The following ATP8B1 variants were observed in gnomAD, a reference collection of about 807,000 sequenced individuals.
ATP8B1 encodes the protein phospholipid-transporting ATPase IC.
A neutral mutation model predicts 149.9 loss-of-function variants in ATP8B1; 80 were observed. The observed-to-expected ratio is 0.53, with a 90% CI of 0.45 to 0.64. The LOEUF is 0.64. ATP8B1 is among the 30% of genes least tolerant of loss of function. ATP8B1 has a pLI of 0.00. For synonymous variants in ATP8B1, 536 were observed against 562.8 expected (o/e 0.95, Z 0.67); for missense variants, 1,247 against 1,552.6 (o/e 0.80, Z 3.31).
intron 1 of ATP8B1, among the ~76,000 whole-genome samples, chr18:57,733,084 G>A (rs964934182): frequency 2.0e-5 from 3 of 152,068 alleles, no homozygotes; most frequent in African/African-American, 7.2e-5. Context: ...AGCATCTACC[G>A]CATAAGATGA....
intron 2 of ATP8B1, among the ~76,000 whole-genome samples, chr18:57,730,634 C>G (rs1458811239): frequency 6.6e-6 from 1 of 152,162 alleles, no homozygotes; most frequent in Non-Finnish European, 1.5e-5. Flanking sequence ...CCATGTTCTA[C>G]TGCCTTCAGT....
intron 12 of ATP8B1, among the ~76,000 whole-genome samples, chr18:57,689,043 A>G (rs1211373737): frequency 6.6e-6 from 1 of 152,198 alleles, no homozygotes; most frequent in African/African-American, 2.4e-5. Flanking sequence ...CTGATTTTAG[A>G]CAAGTAATTT....
At chr18:57,794,727 G>T (rs2080494333) in intron 1 of ATP8B1, among the ~76,000 whole-genome samples, 1 of 152,028 alleles carries the variant, frequency 6.6e-6, no homozygotes, top group Non-Finnish European at 1.5e-5. Context: ...GGAGGTTGAG[G>T]TTGCAGTGAG....
At chr18:57,782,980 T>A (rs1008664257) in intron 1 of ATP8B1, among the ~76,000 whole-genome samples, 13 of 151,940 alleles carry the variant, frequency 8.6e-5, no homozygotes, top group Non-Finnish European at 2.9e-5. Context: ...GCCCAGCTAA[T>A]TTTTTTATTT....
At chr18:57,793,071 T>C (rs1470656709) in intron 1 of ATP8B1, among the ~76,000 whole-genome samples, 1 of 152,206 alleles carries the variant, frequency 6.6e-6, no homozygotes, top group Non-Finnish European at 1.5e-5. Flanking sequence ...CTTATATGTA[T>C]GTTTCTGAGG....
At chr18:57,673,540 T>C (rs901229433) in intron 16 of ATP8B1, among the ~76,000 whole-genome samples, 1 of 152,052 alleles carries the variant, frequency 6.6e-6, no homozygotes, top group Admixed American at 6.5e-5. Context: ...TTTTTTATCA[T>C]GTAATCTTGC....
At chr18:57,783,388 T>C (rs1249662559) in intron 1 of ATP8B1, among the ~76,000 whole-genome samples, 2 of 152,204 alleles carry the variant, frequency 1.3e-5, no homozygotes, top group Non-Finnish European at 2.9e-5. Flanking sequence ...TGGACACATA[T>C]GGTTTAACAA....
chr18:57,756,316 T>TATATGTATATA, intron 1 of ATP8B1, among the ~76,000 whole-genome samples: 1 of 145,060 alleles, frequency 6.9e-6, no homozygotes, highest in Non-Finnish European at 1.5e-5. Context: ...TATATATATA[T>TATATGTATATA]TTGAGACTGA....
chr18:57,765,044 AT>A (rs1439048210), intron 1 of ATP8B1, among the ~76,000 whole-genome samples: 1 of 152,240 alleles, frequency 6.6e-6, no homozygotes, highest in Non-Finnish European at 1.5e-5. Flanking sequence ...AACAATCCAA[AT>A]GCTATCTGAT....
At position 57,773,200 on chromosome 18, in the gene ATP8B1, T is replaced by TAAAAAAAAA. The variant is rs530739448; in HGVS notation, c.-26+29797_-26+29798insTTTTTTTTT. 8.8e-5 allele frequency among the ~76,000 whole-genome samples: 11 copies of TAAAAAAAAA among 125,536 alleles called. No homozygotes were observed. In the East Asian group the frequency reaches 9.5e-4, roughly 11 times the overall value. The allele number at this position is 125,536 out of a possible 152,430, so 82.4% of individuals were successfully genotyped here. ...CTGGGTGACAGAGCGAGACTCTGTC[T>TAAAAAAAAA]TAAAAAAAAAAAAAAAAAGAAAAGA... On this transcript the variant is annotated intron_variant, in intron 1 of 27. Coordinates refer to ENST00000648908, the MANE Select transcript of ATP8B1 (RefSeq NM_001374385.1).
chr18:57,696,467 A>G (rs1317582944), intron 8 of ATP8B1, among the ~76,000 whole-genome samples: 1 of 152,078 alleles, frequency 6.6e-6, no homozygotes, highest in Non-Finnish European at 1.5e-5. Context: ...CTTTACAATT[A>G]AGAAGTGGTT....
intron 22 of ATP8B1, among the ~76,000 whole-genome samples, chr18:57,657,413 A>T (rs1312469782): frequency 6.6e-6 from 1 of 152,216 alleles, no homozygotes; most frequent in Middle Eastern, 3.2e-3. Flanking sequence ...TTTAGAAAAG[A>T]TATGTTGGAG....
Position 57,667,181 on chromosome 18 carries a change from A to C in ATP8B1, c.2210-14T>G. ...TTTCAGCAGTTTCTACAATAGAATA[A>C]AATTAAGTCAAATGTCATTCCTGCT... On this transcript the variant is annotated splice_polypyrimidine_tract_variant and intron_variant, in intron 19 of 27. Transcript: ENST00000648908. The C allele has an allele frequency of 1.3e-6, 2 of 1,577,232 alleles. No homozygotes were observed. Among genetic ancestry groups the C allele is most frequent in the Non-Finnish European group, 1.7e-6 (2 of 1,146,654 alleles).
chr18:57,726,722 A>T (rs1458940069), intron 2 of ATP8B1, among the ~76,000 whole-genome samples: 1 of 152,246 alleles, frequency 6.6e-6, no homozygotes, highest in East Asian at 1.9e-4. Context: ...CCAAGGTTCA[A>T]TCATAAATTA....
intron 6 of ATP8B1, among the ~76,000 whole-genome samples, chr18:57,700,189 A>C (rs1297431407): frequency 1.3e-5 from 2 of 152,254 alleles, no homozygotes; most frequent in African/African-American, 4.8e-5. Flanking sequence ...AATTTCAGAA[A>C]TACTGAAATG....
At chr18:57,675,537 C>CT (rs1911537380) in intron 15 of ATP8B1, among the ~76,000 whole-genome samples, 1 of 152,060 alleles carries the variant, frequency 6.6e-6, no homozygotes, top group Non-Finnish European at 1.5e-5. Context: ...TTTAATAACC[C>CT]TTTTGTATGT....
At chr18:57,672,891 T>C (rs1474793225) in intron 16 of ATP8B1, among the ~76,000 whole-genome samples, 2 of 17,496 alleles carry the variant, frequency 1.1e-4, no homozygotes, top group African/African-American at 5.0e-4. Context: ...AAAAAGTATA[T>C]ATATATATAT....
In ATP8B1 at chr18:57,700,008, A is replaced by G. The variant is rs553980252; in HGVS notation, c.554+1031T>C. The stretch of plus-strand genomic sequence containing the variant: ...CACCTATAGGAACTTGAGCATTAGC[A>G]GGGTAGAGCACAGGGGGCCTCCTCA... On this transcript the variant is annotated intron_variant, in intron 6 of 27. Coordinates refer to ENST00000648908, the MANE Select transcript of ATP8B1 (RefSeq NM_001374385.1). Among the ~76,000 whole-genome samples, 235 of 152,354 alleles carry G rather than the reference A, an allele frequency of 1.5e-3. 1 individual carries two copies. The highest frequency in any genetic ancestry group is 5.0e-3 in the African/African-American group (207 of 41,594).
chr18:57,795,661 A>G (rs995192119), intron 1 of ATP8B1, among the ~76,000 whole-genome samples: 1 of 152,164 alleles, frequency 6.6e-6, no homozygotes, highest in Non-Finnish European at 1.5e-5. Flanking sequence ...AGAATAGTCA[A>G]ATTCATGGAG....
Sources: allele counts gnomAD v4.1 joint callset (sites outside exome capture counted in the v4.1 genomes callset), GRCh38; gene constraint gnomAD v4.1.1; transcripts MANE v1.5; gene names NCBI Gene and HGNC (gene_info 2026-07-23, HGNC 2026-07-21).